The following HELQ variants were observed in gnomAD, a reference collection of about 807,000 sequenced individuals.
HELQ encodes the protein helicase POLQ-like.
HELQ carries 77 observed loss-of-function variants against 111.6 expected under a neutral mutation model. That is an observed-to-expected ratio of 0.69 (90% CI 0.57 to 0.83). The LOEUF (loss-of-function observed/expected upper bound fraction) is 0.83. Ranked by LOEUF, HELQ falls within the 40% of genes least tolerant of loss-of-function variation. The probability of loss-of-function intolerance (pLI) is 0.00; values close to 1 mark genes in which losing one functional copy is unlikely to be tolerated. For synonymous variants in HELQ, 438 were observed against 454.7 expected, an observed-to-expected ratio of 0.96 and a Z score of 0.47; for missense variants, 1,200 against 1,288.5, an observed-to-expected ratio of 0.93 and a Z score of 1.05.
At chr4:83,409,771 G>A (rs1738990155) in intron 17 of HELQ, among the ~76,000 whole-genome samples, 1 of 151,860 alleles carries the variant, frequency 6.6e-6, no homozygotes, top group Admixed American at 6.6e-5. Context: ...ACAAAAACTG[G>A]AAGAAATGAT....
At chr4:83,435,808 G>C (rs1720423824) in intron 9 of HELQ, among the ~76,000 whole-genome samples, 2 of 151,966 alleles carry the variant, frequency 1.3e-5, no homozygotes, top group Non-Finnish European at 2.9e-5. Flanking sequence ...TAATTCTAAA[G>C]TAATAAAAAA....
At chr4:83,455,247 T>G in intron 1 of HELQ, 150 bp downstream of exon 1, 1 of 1,459,348 alleles carries the variant, frequency 6.9e-7, no homozygotes, top group Non-Finnish European at 9.1e-7. Flanking sequence ...TATAGAAATG[T>G]AAATAACAAG....
intron 9 of HELQ, among the ~76,000 whole-genome samples, chr4:83,433,979 C>CAAAA (rs60020544): frequency 1.6e-5 from 1 of 64,036 alleles, no homozygotes; most frequent in Non-Finnish European, 3.9e-5. Flanking sequence ...GACTCTGTCT[C>CAAAA]AAAAAAAAAA....
chr4:83,416,922 T>G (rs1739393500), intron 16 of HELQ, 57 bp from the exon 17 acceptor site: 14 of 1,494,262 alleles, frequency 9.4e-6, no homozygotes, highest in Non-Finnish European at 3.6e-6. Context: ...AAAAAGAAAA[T>G]TAAGCACTTT....
At chr4:83,447,899 A>G (rs908099449) in intron 3 of HELQ, among the ~76,000 whole-genome samples, 1 of 150,090 alleles carries the variant, frequency 6.7e-6, no homozygotes, top group African/African-American at 2.5e-5. Context: ...TCATTTTAGT[A>G]ATAGTTTCTG....
rs1362545248 is a variant in HELQ at position 83,416,787 on chromosome 4, T to C, written c.3142A>G (p.Arg1048Gly). 1.2e-6 allele frequency: 2 copies of C among 1,613,942 alleles called. No individual in the cohort carries two copies. Among genetic ancestry groups the C allele is most frequent in the Non-Finnish European group, 1.7e-6 (2 of 1,179,922 alleles). ...LANANPEVLV[R>G]TIDHLSRRQA... ...CGTCTTGATAAATGATCAATTGTCCTTACGAGCACTTCAGGATTTGCATTA... is the reference window on the plus strand; with the variant it reads ...CGTCTTGATAAATGATCAATTGTCCCTACGAGCACTTCAGGATTTGCATTA... The change falls in exon 17 of 18, where the codon AGG becomes GGG. Residue 1048 changes from arginine (R) to glycine (G), a missense_variant. By Grantham distance (125) the Arg-to-Gly change is moderately radical. Transcript: ENST00000295488.
intron 7 of HELQ, among the ~76,000 whole-genome samples, chr4:83,441,098 A>G (rs548607686): frequency 7.9e-5 from 12 of 152,330 alleles, no homozygotes; most frequent in African/African-American, 2.9e-4. Flanking sequence ...CAAAGATATG[A>G]TGTCATAGAA....
Position 83,441,398 on chromosome 4 carries a change from C to G in HELQ, c.1569G>C (p.Glu523Asp). ...EYYTSQFRPV[E>D]LKEYLKINDT... is the part of the protein sequence containing the mutation. ...CATTTATTTTCAGATATTCTTTTAA[C>G]TCAACCTTGAATTAAAAGGACATTT... Residue 523 changes from glutamate (E) to aspartate (D), a missense_variant, in exon 7 of 18, where the codon GAG becomes GAC. By Grantham distance (45) the Glu-to-Asp change is conservative. This residue lies in a region of HELQ where 585 missense variants were observed against 665.3 expected (regional missense o/e 0.88). Coordinates refer to ENST00000295488, the MANE Select transcript of HELQ (RefSeq NM_133636.5). The G allele has an allele frequency of 1.4e-6, 2 of 1,459,358 alleles. No homozygotes were observed. The highest frequency in any genetic ancestry group is 1.9e-6 in the Non-Finnish European group (2 of 1,047,980). 90.4% of individuals were successfully genotyped at this position (1,459,358 alleles called of 1,614,324 possible).
intron 9 of HELQ, 23 bp downstream of exon 9, chr4:83,436,835 G>A: frequency 8.1e-6 from 13 of 1,600,002 alleles, no homozygotes; most frequent in Non-Finnish European, 1.1e-5. Flanking sequence ...TCTGAGCCTG[G>A]TCAACACTTA....
At chr4:83,440,547 A>C (rs973653672) in intron 7 of HELQ, among the ~76,000 whole-genome samples, 1 of 152,268 alleles carries the variant, frequency 6.6e-6, no homozygotes, top group African/African-American at 2.4e-5. Flanking sequence ...CTTCAACTTT[A>C]CTAAAGACAT....
intron 16 of HELQ, among the ~76,000 whole-genome samples, chr4:83,417,541 G>C (rs1280829501): frequency 6.6e-6 from 1 of 151,988 alleles, no homozygotes; most frequent in African/African-American, 2.4e-5. Context: ...TCTACTCAGG[G>C]GACCACTGGT....
At chr4:83,452,199 G>A (rs1721417620) in intron 2 of HELQ, among the ~76,000 whole-genome samples, 2 of 152,110 alleles carry the variant, frequency 1.3e-5, no homozygotes, top group African/African-American at 4.8e-5. Flanking sequence ...GGCTTTGAAT[G>A]TGGCCCAACA....
chr4:83,426,199 A>T (rs1029486159), intron 13 of HELQ, 107 bp from the exon 14 acceptor site: 1 of 667,408 alleles, frequency 1.5e-6, no homozygotes, highest in Non-Finnish European at 2.7e-6. Flanking sequence ...GATACAAAAA[A>T]CAAGATAAAT....
In HELQ at chr4:83,448,768, T is replaced by C. The variant is rs1721189103; in HGVS notation, c.1191+15A>G. The C allele has an allele frequency of 1.3e-6, 2 of 1,576,600 alleles. No homozygotes were observed. Among genetic ancestry groups the C allele is most frequent in the Non-Finnish European group, 8.7e-7 (1 of 1,153,902 alleles). On this transcript the variant is annotated intron_variant, in intron 3 of 17. Transcript: ENST00000295488. Reference sequence around the variant, plus strand: ...AGCAAATAACATTTGTTTTAAAACATACACACACACACACCTTTTCTTGGA... The same window carrying C: ...AGCAAATAACATTTGTTTTAAAACACACACACACACACACCTTTTCTTGGA...
chr4:83,429,689 G>A lies in HELQ; in HGVS notation c.2353C>T (p.Gln785Ter), dbSNP rs920272166. 1.9e-6 allele frequency: 3 copies of A among 1,613,026 alleles called. No homozygotes were observed. Among genetic ancestry groups the A allele is most frequent in the Non-Finnish European group, 2.5e-6 (3 of 1,179,526 alleles). ...TTTTCTTTCAATAAAACCTTTTGCT[G>A]AACACCAAAAAATGTACCATTCATG... ...HFMNGTFFGV[Q>*]QKVLLKEKSL... Residue 785 changes from glutamine to a stop codon, truncating the protein, a stop_gained, in exon 12 of 18, where the codon CAG becomes TAG. Transcript: ENST00000295488. LOFTEE classifies it high-confidence loss of function.
Position 83,423,842 on chromosome 4 carries a change from C to T in HELQ, c.2776-2106G>A, listed in dbSNP as rs529292158. On this transcript the variant is annotated intron_variant, in intron 14 of 17. Transcript: ENST00000295488. Reference sequence around the variant, plus strand: ...AGGAAAATCACTTGAACTTGGGAGGCGGAGGTTGCAGTGAGCTGAGATCGT... The same window carrying T: ...AGGAAAATCACTTGAACTTGGGAGGTGGAGGTTGCAGTGAGCTGAGATCGT... Among the ~76,000 whole-genome samples, 469 of 151,708 alleles carry T rather than the reference C, an allele frequency of 3.1e-3. 1 individual carries two copies. The highest frequency in any genetic ancestry group is 0.024 in the Middle Eastern group (7 of 292).
chr4:83,419,557 A>G (rs1401753433), intron 15 of HELQ, among the ~76,000 whole-genome samples: 1 of 147,870 alleles, frequency 6.8e-6, no homozygotes, highest in African/African-American at 2.5e-5. Flanking sequence ...TTTTCTTAGG[A>G]TTAGTCATCA....
Position 83,453,553 on chromosome 4 carries a change from A to G in HELQ, c.690T>C (p.Thr230=). ...ERDWKSSSHN[T]VNEELPHNCI... ...AATTATGGGGCAGTTCCTCATTCAC[A>G]GTGTTGTGAGAGGATGACTTCCAAT... Residue 230 remains threonine, a synonymous_variant, in exon 2 of 18, where the codon ACT becomes ACC. Transcript: ENST00000295488. The G allele has an allele frequency of 6.2e-7, 1 of 1,613,524 alleles. No individual in the cohort carries two copies. The highest frequency in any genetic ancestry group is 8.5e-7 in the Non-Finnish European group (1 of 1,179,780).
At chr4:83,444,497 C>G (rs533103556) in intron 5 of HELQ, among the ~76,000 whole-genome samples, 2 of 152,178 alleles carry the variant, frequency 1.3e-5, no homozygotes, top group South Asian at 2.1e-4. Flanking sequence ...TCTCCTTGCC[C>G]CAACCTCCCG....
Sources: gnomAD v4.1 joint callset for allele counts (sites outside exome capture counted in the v4.1 genomes callset) on GRCh38, gnomAD v4.1.1 for gene constraint, gnomAD v4.1.1 regional missense constraint, MANE v1.5 for transcripts, NCBI Gene and HGNC (gene_info 2026-07-23, HGNC 2026-07-21) for gene names.